CCDC149: variants seen among roughly 807,000 people sequenced by gnomAD.
CCDC149 encodes the protein coiled-coil domain containing 149, also known as coiled-coil domain-containing protein 149.
CCDC149 carries 45 observed loss-of-function variants against 59.9 expected under a neutral mutation model. The ratio of observed to expected loss-of-function variants is 0.75; its 90% confidence interval spans 0.59 to 0.96. CCDC149 has a LOEUF of 0.96. Ranked by LOEUF, CCDC149 falls within the 40% of genes least tolerant of loss-of-function variation. The probability of loss-of-function intolerance (pLI) is 0.00; values close to 1 mark genes in which losing one functional copy is unlikely to be tolerated. For synonymous variants in CCDC149, 245 were observed against 260.6 expected (o/e 0.94, Z 0.58); for missense variants, 584 against 664.7 (o/e 0.88, Z 1.33).
intron 12 of CCDC149, among the ~76,000 whole-genome samples, chr4:24,816,751 G>C (rs1216466676): frequency 6.6e-6 from 1 of 151,992 alleles, no homozygotes; most frequent in African/African-American, 2.4e-5. Context: ...GGCTACAAAC[G>C]CATTATGACA....
intron 3 of CCDC149, among the ~76,000 whole-genome samples, chr4:24,866,665 T>G (rs1159136610): frequency 6.6e-6 from 1 of 152,136 alleles, no homozygotes; most frequent in Non-Finnish European, 1.5e-5. Flanking sequence ...ACGGATGATT[T>G]GCCATCGGAA....
chr4:24,979,439 G>A (rs900699737), intron 1 of CCDC149, among the ~76,000 whole-genome samples: 3 of 152,310 alleles, frequency 2.0e-5, no homozygotes, highest in South Asian at 2.1e-4. Context: ...GACATGGAGA[G>A]AAGTGGGGTC....
intron 1 of CCDC149, among the ~76,000 whole-genome samples, chr4:24,977,456 G>A (rs1724255032): frequency 6.6e-6 from 1 of 152,126 alleles, no homozygotes; most frequent in Non-Finnish European, 1.5e-5. Context: ...CAACACCTCT[G>A]TTATTTATAG....
intron 1 of CCDC149, among the ~76,000 whole-genome samples, chr4:24,954,802 T>G (rs977787290): frequency 6.6e-6 from 1 of 152,228 alleles, no homozygotes; most frequent in Non-Finnish European, 1.5e-5. Context: ...CCCACTGTCT[T>G]GATGAATAGC....
At chr4:24,866,823 CCACACACA>C (rs3066470) in intron 3 of CCDC149, among the ~76,000 whole-genome samples, 3 of 142,178 alleles carry the variant, frequency 2.1e-5, no homozygotes, top group Non-Finnish European at 3.0e-5. Context: ...ACACACACAC[CCACACACA>C]CACACACACA....
intron 3 of CCDC149, among the ~76,000 whole-genome samples, chr4:24,872,646 C>T (rs557468019): frequency 1.3e-5 from 2 of 151,834 alleles, no homozygotes; most frequent in African/African-American, 4.8e-5. Flanking sequence ...GAATGGTATG[C>T]ACCCACAGAA....
At chr4:24,972,503 T>C (rs909343497) in intron 1 of CCDC149, among the ~76,000 whole-genome samples, 1 of 151,892 alleles carries the variant, frequency 6.6e-6, no homozygotes, top group East Asian at 1.9e-4. Context: ...AGATGGGGTT[T>C]TTCCGTGTTG....
intron 4 of CCDC149, among the ~76,000 whole-genome samples, chr4:24,840,486 A>G (rs1716868616): frequency 6.6e-6 from 1 of 152,172 alleles, no homozygotes; most frequent in Non-Finnish European, 1.5e-5. Context: ...AGTGGCAAAA[A>G]ATTACAGTCA....
intron 1 of CCDC149, among the ~76,000 whole-genome samples, chr4:24,951,013 C>G (rs1355438789): frequency 1.3e-5 from 2 of 152,204 alleles, no homozygotes; most frequent in African/African-American, 4.8e-5. Flanking sequence ...TTGGGGACCC[C>G]TTTAGGTTAA....
chr4:24,873,012 C>G (rs1577434532), intron 3 of CCDC149, among the ~76,000 whole-genome samples: 1 of 144,168 alleles, frequency 6.9e-6, no homozygotes. Flanking sequence ...ATGCACCCAC[C>G]AAGTGGTATG....
At chr4:24,897,478 T>C (rs1720908055) in intron 1 of CCDC149, among the ~76,000 whole-genome samples, 1 of 151,984 alleles carries the variant, frequency 6.6e-6, no homozygotes, top group Non-Finnish European at 1.5e-5. Context: ...TCCAGAGACT[T>C]GATCAGGCAG....
At chr4:24,941,146 G>C (rs1489138836) in intron 1 of CCDC149, among the ~76,000 whole-genome samples, 4 of 152,186 alleles carry the variant, frequency 2.6e-5, no homozygotes, top group Non-Finnish European at 5.9e-5. Flanking sequence ...ATAGTTGGAA[G>C]TAAAACACTC....
intron 8 of CCDC149, 51 bp downstream of exon 8, chr4:24,834,897 C>G: frequency 7.3e-7 from 1 of 1,375,176 alleles, no homozygotes. Flanking sequence ...GGGCTTGCAG[C>G]TCTAGTATTT....
intron 12 of CCDC149, among the ~76,000 whole-genome samples, chr4:24,811,929 G>A (rs1391055047): frequency 6.6e-6 from 1 of 151,898 alleles, no homozygotes; most frequent in Admixed American, 6.6e-5. Context: ...TCCCTTGGAG[G>A]CTCTGGGGCA....
At chr4:24,865,555 C>T (rs778737631) in intron 3 of CCDC149, among the ~76,000 whole-genome samples, 4 of 152,200 alleles carry the variant, frequency 2.6e-5, no homozygotes, top group Non-Finnish European at 4.4e-5. Context: ...AGAGCTTATT[C>T]GTACATATTT....
At chr4:24,957,153 A>C (rs1261153551) in intron 1 of CCDC149, among the ~76,000 whole-genome samples, 1 of 152,248 alleles carries the variant, frequency 6.6e-6, no homozygotes, top group Admixed American at 6.5e-5. Context: ...CTATCTGACC[A>C]TGAAGTATCA....
chr4:24,893,675 G>A (rs1346378165), intron 1 of CCDC149, among the ~76,000 whole-genome samples: 2 of 124,780 alleles, frequency 1.6e-5, no homozygotes, highest in East Asian at 2.6e-4. Flanking sequence ...GGAGTGGAAC[G>A]GGGCAATCTC....
chr4:24,853,769 T>A (rs1228952148), intron 3 of CCDC149, among the ~76,000 whole-genome samples: 1 of 152,132 alleles, frequency 6.6e-6, no homozygotes, highest in Non-Finnish European at 1.5e-5. Flanking sequence ...GTGTGTGACC[T>A]CAATGCCTAG....
At position 24,876,612 on chromosome 4, in the gene CCDC149, C is replaced by T; in HGVS notation, c.149G>A (p.Arg50Lys). The change falls in exon 2 of 13, where the codon AGG becomes AAG. Residue 50 changes from arginine to lysine, a missense_variant. By Grantham distance (26) the Arg-to-Lys change is conservative (BLOSUM62 2). Coordinates refer to ENST00000635206, the MANE Select transcript of CCDC149 (RefSeq NM_001330643.2). ...ATTGGCCATGAGTTTGTACTGGTCC[C>T]TTTCCTGTTGACAGGTGTCCAGCTC... 6.2e-7 allele frequency: 1 copy of T among 1,614,168 alleles called. No individual in the cohort carries two copies. The highest frequency in any genetic ancestry group is 1.1e-5 in the South Asian group (1 of 91,080).
Sources: gnomAD v4.1 joint callset for allele counts (sites outside exome capture counted in the v4.1 genomes callset) on GRCh38, gnomAD v4.1.1 for gene constraint, MANE v1.5 for transcripts, NCBI Gene and HGNC (gene_info 2026-07-23, HGNC 2026-07-21) for gene names.